The following DMD variants were observed in gnomAD, a reference collection of about 807,000 sequenced individuals.
The protein encoded by DMD is mutant dystrophin.
DMD carries 63 observed loss-of-function variants against 330.1 expected under a neutral mutation model. That is an observed-to-expected ratio of 0.19 (90% confidence interval 0.16 to 0.24). The LOEUF (loss-of-function observed/expected upper bound fraction) is 0.24. Among genes scored for constraint, DMD ranks in the 10% least tolerant of loss-of-function variants. The pLI is 1.00. For missense variants in DMD, 3,344 were observed against 2,684.1 expected, an observed-to-expected ratio of 1.25 and a Z score of -5.43; for synonymous variants, 1,223 against 959.8, an observed-to-expected ratio of 1.27 and a Z score of -5.07.
chrX:32,700,012 A>T (rs752462545), intron 7 of DMD, among the ~76,000 whole-genome samples: 1 of 111,975 alleles, frequency 8.9e-6, no homozygotes, highest in East Asian at 2.8e-4. Context: ...AAGTGAATGA[A>T]ACGCAGCATT....
chrX:32,734,706 A>C (rs2068194508), intron 7 of DMD, among the ~76,000 whole-genome samples: 1 of 110,192 alleles, frequency 9.1e-6, no homozygotes, highest in South Asian at 3.8e-4. Flanking sequence ...CTTTGACAAA[A>C]TTCAACAACC....
intron 74 of DMD, among the ~76,000 whole-genome samples, chrX:31,165,770 T>C (rs779680115): frequency 8.9e-6 from 1 of 112,236 alleles, no homozygotes; most frequent in South Asian, 3.8e-4. Context: ...AGAAATATGA[T>C]GCAGAAGCGA....
intron 78 of DMD, among the ~76,000 whole-genome samples, chrX:31,125,439 G>A (rs1054700547): frequency 1.8e-5 from 2 of 111,584 alleles, no homozygotes; most frequent in Admixed American, 9.5e-5. Flanking sequence ...TTTTCATTAC[G>A]ACTCCTGTGT....
chrX:31,652,824 T>C (rs1289393528), intron 54 of DMD, among the ~76,000 whole-genome samples: 3 of 110,767 alleles, frequency 2.7e-5, no homozygotes, highest in African/African-American at 6.6e-5. Flanking sequence ...GTACAACTAG[T>C]AGCTAAAGAA....
chrX:32,240,927 C>T (rs113385394), intron 43 of DMD, among the ~76,000 whole-genome samples: 10,760 of 110,917 alleles, frequency 0.097, 532 homozygotes, highest in Admixed American at 0.15. Context: ...CAGCCCCTCT[C>T]GGGAATATAT....
At chrX:32,729,810 G>A (rs1260766208) in intron 7 of DMD, among the ~76,000 whole-genome samples, 1 of 111,656 alleles carries the variant, frequency 9.0e-6, no homozygotes, top group Admixed American at 9.6e-5. Flanking sequence ...AAGTAAAAAC[G>A]TTGTCTCAGC....
At chrX:32,730,544 C>T (rs1005544245) in intron 7 of DMD, among the ~76,000 whole-genome samples, 1 of 111,397 alleles carries the variant, frequency 9.0e-6, no homozygotes. Flanking sequence ...ATAGGAATGA[C>T]GTTGAATCAC....
At chrX:31,842,663 T>C (rs1444245510) in intron 48 of DMD, among the ~76,000 whole-genome samples, 1 of 112,147 alleles carries the variant, frequency 8.9e-6, no homozygotes, top group Non-Finnish European at 1.9e-5. Flanking sequence ...TTAAGACTCA[T>C]TGAAGGCTCA....
intron 7 of DMD, among the ~76,000 whole-genome samples, chrX:32,780,720 C>G (rs2074634209): frequency 9.0e-6 from 1 of 110,634 alleles, no homozygotes; most frequent in African/African-American, 3.3e-5. Context: ...CGTATCTGAT[C>G]AGAACTTTAA....
chrX:32,400,154 A>G (rs1037188236), intron 30 of DMD, among the ~76,000 whole-genome samples: 4 of 111,839 alleles, frequency 3.6e-5, no homozygotes, highest in East Asian at 5.6e-4. Flanking sequence ...TTTATTGAGA[A>G]TTTTTAGCAT....
chrX:32,548,527 T>C (rs1391792872), intron 16 of DMD, among the ~76,000 whole-genome samples: 2 of 111,704 alleles, frequency 1.8e-5, no homozygotes, highest in Non-Finnish European at 3.8e-5. Context: ...TGAATGTGGA[T>C]GGAGTATTAT....
chrX:32,285,608 G>A (rs1047409303), intron 43 of DMD, among the ~76,000 whole-genome samples: 1 of 111,326 alleles, frequency 9.0e-6, no homozygotes, highest in African/African-American at 3.3e-5. Flanking sequence ...CATATACACA[G>A]AGTGGCTGAG....
chrX:32,886,788 A>T (rs2084634949), intron 2 of DMD, among the ~76,000 whole-genome samples: 2 of 112,062 alleles, frequency 1.8e-5, no homozygotes, highest in Non-Finnish European at 3.8e-5. Flanking sequence ...AAAATAAAAA[A>T]CTAAATGCCT....
intron 51 of DMD, among the ~76,000 whole-genome samples, chrX:31,765,815 A>AGT (rs1263169588): frequency 9.0e-6 from 1 of 111,317 alleles, no homozygotes; most frequent in Non-Finnish European, 1.9e-5. Flanking sequence ...TTATTACTCT[A>AGT]GTGTCTCTTT....
At chrX:31,541,808 G>A (rs1240324821) in intron 55 of DMD, among the ~76,000 whole-genome samples, 1 of 110,949 alleles carries the variant, frequency 9.0e-6, no homozygotes, top group African/African-American at 3.3e-5. Context: ...ACGTGTGCAG[G>A]TGAGACCAAA....
intron 67 of DMD, among the ~76,000 whole-genome samples, chrX:31,203,103 G>A (rs996237536): frequency 1.0e-4 from 11 of 108,912 alleles, no homozygotes; most frequent in African/African-American, 3.7e-4. Context: ...CCAACCTGGT[G>A]AAACCCTGTC....
At chrX:31,754,511 T>C (rs1195315079) in intron 51 of DMD, among the ~76,000 whole-genome samples, 1 of 111,442 alleles carries the variant, frequency 9.0e-6, no homozygotes, top group Non-Finnish European at 1.9e-5. Context: ...CTCTGATTTA[T>C]AGGATACTTG....
intron 49 of DMD, among the ~76,000 whole-genome samples, chrX:31,825,228 C>G (rs1331557805): frequency 8.9e-6 from 1 of 111,794 alleles, no homozygotes; most frequent in Non-Finnish European, 1.9e-5. Flanking sequence ...CAGAAAGTAG[C>G]AATAGGAGAC....
intron 7 of DMD, among the ~76,000 whole-genome samples, chrX:32,753,528 C>T (rs756719412): frequency 1.8e-5 from 2 of 111,620 alleles, no homozygotes; most frequent in Non-Finnish European, 3.8e-5. Flanking sequence ...CATAGTAAGC[C>T]ACACAGGGAG....
Sources: gnomAD v4.1 joint callset for allele counts (sites outside exome capture counted in the v4.1 genomes callset) on GRCh38, gnomAD v4.1.1 for gene constraint, MANE v1.5 for transcripts, NCBI Gene and HGNC (gene_info 2026-07-23, HGNC 2026-07-21) for gene names.